Variants in THEMIS observed in about 807,000 individuals in gnomAD.
THEMIS encodes the protein thymocyte selection associated, also known as protein THEMIS.
In THEMIS, 37 loss-of-function variants were observed where a neutral mutation model predicts 52.6. The observed-to-expected ratio is 0.70, with a 90% CI of 0.54 to 0.93. The LOEUF is 0.93. Among genes scored for constraint, THEMIS ranks in the 40% least tolerant of loss-of-function variants. The probability of loss-of-function intolerance (pLI) is 0.00; values close to 1 mark genes in which losing one functional copy is unlikely to be tolerated. For missense variants in THEMIS, 808 were observed against 763.1 expected (o/e 1.06, Z -0.69); for synonymous variants, 292 against 272.7 (o/e 1.07, Z -0.70).
intron 2 of THEMIS, among the ~76,000 whole-genome samples, chr6:127,841,463 GA>G (rs1779045146): frequency 6.6e-6 from 1 of 151,996 alleles, no homozygotes; most frequent in Non-Finnish European, 1.5e-5. Flanking sequence ...AATGAGTGAT[GA>G]GATAGATTTT....
At chr6:127,849,036 T>C (rs1198765815) in intron 2 of THEMIS, among the ~76,000 whole-genome samples, 1 of 152,170 alleles carries the variant, frequency 6.6e-6, no homozygotes, top group Non-Finnish European at 1.5e-5. Context: ...CTAGGTTTTC[T>C]TCTAGGGTTT....
intron 1 of THEMIS, among the ~76,000 whole-genome samples, chr6:127,916,177 TTTATA>T (rs1287757753): frequency 6.6e-6 from 1 of 151,666 alleles, no homozygotes; most frequent in African/African-American, 2.4e-5. Flanking sequence ...GTTTAATTTT[TTTATA>T]TTATAATTAA....
chr6:127,841,552 ATCTT>A (rs2114696721), intron 2 of THEMIS, among the ~76,000 whole-genome samples: 1 of 152,182 alleles, frequency 6.6e-6, no homozygotes, highest in African/African-American at 2.4e-5. Flanking sequence ...CTTTAAAATG[ATCTT>A]TCTGACAGAA....
intron 3 of THEMIS, among the ~76,000 whole-genome samples, chr6:127,819,984 G>T (rs1047469349): frequency 6.6e-6 from 1 of 152,082 alleles, no homozygotes; most frequent in Non-Finnish European, 1.5e-5. Flanking sequence ...ACAGATAAGT[G>T]AAATGAATGA....
At chr6:127,757,893 A>G (rs1283555841) in intron 4 of THEMIS, among the ~76,000 whole-genome samples, 16 of 152,094 alleles carry the variant, frequency 1.1e-4, no homozygotes, top group Admixed American at 4.6e-4. Flanking sequence ...CAGGTAATAA[A>G]GGGCAGTACA....
At chr6:127,787,880 T>TATAGATAGATAGATAG (rs1554224618) in intron 4 of THEMIS, among the ~76,000 whole-genome samples, 18 of 119,908 alleles carry the variant, frequency 1.5e-4, no homozygotes, top group Non-Finnish European at 2.8e-4. Flanking sequence ...GATAGATAGA[T>TATAGATAGATAGATAG]ATAGATAGAT....
intron 4 of THEMIS, among the ~76,000 whole-genome samples, chr6:127,724,905 G>A (rs879328262): frequency 1.5e-4 from 23 of 151,946 alleles, no homozygotes; most frequent in African/African-American, 3.1e-4. Flanking sequence ...AGGCCATGCC[G>A]TTGAATAAAA....
chr6:127,848,778 T>A (rs912371041), intron 2 of THEMIS, among the ~76,000 whole-genome samples: 2 of 152,242 alleles, frequency 1.3e-5, no homozygotes, highest in Non-Finnish European at 2.9e-5. Context: ...GATTGTTTGT[T>A]TTTTTCTTGT....
intron 4 of THEMIS, among the ~76,000 whole-genome samples, chr6:127,789,898 T>C (rs890285164): frequency 7.9e-5 from 12 of 152,238 alleles, no homozygotes; most frequent in African/African-American, 2.9e-4. Context: ...GAGCCATTTA[T>C]GACAAACCCA....
At chr6:127,863,061 C>T (rs1454787106) in intron 1 of THEMIS, among the ~76,000 whole-genome samples, 1 of 152,118 alleles carries the variant, frequency 6.6e-6, no homozygotes, top group African/African-American at 2.4e-5. Flanking sequence ...CAAATGAAAT[C>T]TGGCAGAAGA....
At chr6:127,859,793 C>T (rs547563770) in intron 1 of THEMIS, among the ~76,000 whole-genome samples, 1 of 152,080 alleles carries the variant, frequency 6.6e-6, no homozygotes, top group South Asian at 2.1e-4. Flanking sequence ...CTCATGTGAC[C>T]ATCTGAGATA....
chr6:127,814,730 T>A (rs1019070333), intron 3 of THEMIS, among the ~76,000 whole-genome samples: 41 of 152,146 alleles, frequency 2.7e-4, no homozygotes, highest in African/African-American at 9.9e-4. Flanking sequence ...ATCTGTATTT[T>A]TTCCAATCAT....
chr6:127,841,304 C>A (rs1779040390), intron 2 of THEMIS, among the ~76,000 whole-genome samples: 1 of 151,946 alleles, frequency 6.6e-6, no homozygotes, highest in Non-Finnish European at 1.5e-5. Flanking sequence ...TCTCTACCAA[C>A]GTTCAGTTAA....
intron 3 of THEMIS, among the ~76,000 whole-genome samples, chr6:127,814,188 C>T (rs1274994285): frequency 1.3e-5 from 2 of 152,148 alleles, no homozygotes; most frequent in East Asian, 1.9e-4. Context: ...TAGGGAACCT[C>T]CTCAAAATCA....
intron 1 of THEMIS, among the ~76,000 whole-genome samples, chr6:127,908,093 C>T (rs957278138): frequency 1.3e-5 from 2 of 152,074 alleles, no homozygotes; most frequent in African/African-American, 2.4e-5. Context: ...TCCTGCCTCC[C>T]GGCACTTTTA....
chr6:127,834,704 C>A (rs1302269421), intron 2 of THEMIS, among the ~76,000 whole-genome samples: 5 of 152,064 alleles, frequency 3.3e-5, no homozygotes, highest in Admixed American at 3.3e-4. Flanking sequence ...TCTTTCAATT[C>A]ATTTTTACCT....
At chr6:127,750,483 A>G (rs535476704) in intron 4 of THEMIS, among the ~76,000 whole-genome samples, 42 of 151,964 alleles carry the variant, frequency 2.8e-4, no homozygotes, top group African/African-American at 9.4e-4. Context: ...AGTTTAATCC[A>G]TGCCTGATCA....
intron 1 of THEMIS, among the ~76,000 whole-genome samples, chr6:127,855,494 G>A (rs1268788845): frequency 1.3e-5 from 2 of 151,798 alleles, no homozygotes; most frequent in Non-Finnish European, 2.9e-5. Context: ...TTCCACTACT[G>A]AGATTTATGA....
At position 127,910,696 on chromosome 6, in the gene THEMIS, T is replaced by C. The variant is rs531085924; in HGVS notation, c.-150+7732A>G. On this transcript the variant is annotated intron_variant, in intron 1 of 6. Transcript: ENST00000368250. Reference sequence around the variant, plus strand: ...GCAGAGATAGTACAGAGATTTCCTGTATACCCATACAAACACCTGTTTCCT... The same window carrying C: ...GCAGAGATAGTACAGAGATTTCCTGCATACCCATACAAACACCTGTTTCCT... Among the ~76,000 whole-genome samples, 8 of 152,328 alleles carry C rather than the reference T, an allele frequency of 5.3e-5. No homozygotes were observed. The East Asian group carries it at 1.3e-3, about 26-fold the overall frequency.
Sources: allele counts gnomAD v4.1 joint callset (sites outside exome capture counted in the v4.1 genomes callset), GRCh38; gene constraint gnomAD v4.1.1; transcripts MANE v1.5; gene names NCBI Gene and HGNC (gene_info 2026-07-23, HGNC 2026-07-21).